NUBP1: variants seen among roughly 807,000 people sequenced by gnomAD.
NUBP1 encodes NUBP iron-sulfur cluster assembly factor 1, cytosolic.
Under a neutral mutation model 41.8 loss-of-function variants are expected in NUBP1, and 46 were observed. The observed-to-expected ratio is 1.10, with a 90% CI of 0.87 to 1.41. The LOEUF (loss-of-function observed/expected upper bound fraction) is 1.41. Among genes scored for constraint, NUBP1 ranks in the 40% most tolerant of loss-of-function variants. The pLI, the probability that NUBP1 is intolerant of heterozygous loss-of-function variation, is 0.00. For missense variants in NUBP1, 494 were observed against 414.0 expected, an observed-to-expected ratio of 1.19 and a Z score of -1.68; for synonymous variants, 189 against 154.6, an observed-to-expected ratio of 1.22 and a Z score of -1.65.
chr16:10,750,267 C>T (rs1041652071), intron 3 of NUBP1, among the ~76,000 whole-genome samples: 2 of 152,058 alleles, frequency 1.3e-5, no homozygotes, highest in Non-Finnish European at 2.9e-5. Context: ...TTTTTTGAGA[C>T]GGAGTCTCAT....
chr16:10,755,910 G>T (rs1032998633), intron 5 of NUBP1, among the ~76,000 whole-genome samples, 157 bp downstream of exon 5: 8 of 152,216 alleles, frequency 5.3e-5, no homozygotes, highest in Non-Finnish European at 7.3e-5. Flanking sequence ...TTTCTGTAAA[G>T]TGTGGGACGG....
chr16:10,749,122 C>CACACACACACAG lies in NUBP1; in HGVS notation c.258+1849_258+1850insCACACACAGACA, dbSNP rs1374642740. 4.4e-3 allele frequency among the ~76,000 whole-genome samples: 400 copies of CACACACACACAG among 91,716 alleles called. 6 individuals are homozygous for CACACACACACAG. The highest frequency in any genetic ancestry group is 0.013 in the African/African-American group (290 of 22,508). The allele number at this position is 91,716 out of a possible 152,430, so 60.2% of individuals were successfully genotyped here. On this transcript the variant is annotated intron_variant, in intron 3 of 10. Transcript: ENST00000283027. The surrounding 1 kb of genome is among the most constrained non-coding windows in gnomAD (Gnocchi z 4.1). ...AAAAGGATATAGATAGATACACAGA[C>CACACACACACAG]ACATACACACACACACACACACACA... is the stretch of plus-strand genomic sequence containing the variant.
At position 10,768,308 on chromosome 16, in the gene NUBP1, TAA is replaced by T. The variant is rs35848081; in HGVS notation, c.904+287_904+288del. The T allele has an allele frequency of 1.8e-3, 322 of 175,366 alleles. No homozygotes were observed. Among genetic ancestry groups the T allele is most frequent in the South Asian group, 6.9e-3 (54 of 7,848 alleles). 10.9% of individuals were successfully genotyped at this position (175,366 alleles called of 1,614,324 possible). The stretch of plus-strand genomic sequence containing the variant: ...GTAATTCATTTTTAAAAGTAACTGA[TAA>T]AAAAAAAAAAGGCCAGGTGCAGTGG... On this transcript the variant is annotated intron_variant, in intron 10 of 10. Coordinates refer to ENST00000283027, the MANE Select transcript of NUBP1 (RefSeq NM_002484.4). The surrounding 1 kb of genome is among the most constrained non-coding windows in gnomAD (Gnocchi z 4.3).
intron 9 of NUBP1, among the ~76,000 whole-genome samples, chr16:10,762,467 G>A (rs1015627608): frequency 2.0e-5 from 3 of 152,210 alleles, no homozygotes; most frequent in Admixed American, 6.5e-5. Context: ...CACGCCCGCC[G>A]GGCGCCCACT....
intron 9 of NUBP1, chr16:10,764,955 T>A (rs2030644914): frequency 5.6e-6 from 1 of 179,318 alleles, no homozygotes; most frequent in African/African-American, 2.4e-5. Flanking sequence ...CGAGGAAAGC[T>A]GGGCACAGCC....
rs183850722 is a variant in NUBP1, at chr16:10,759,343, G to T, written c.606+1316G>T. 7.2e-5 allele frequency among the ~76,000 whole-genome samples: 11 copies of T among 152,372 alleles called. No homozygotes were observed. The highest frequency in any genetic ancestry group is 2.1e-4 in the South Asian group (1 of 4,826). ...TTCATGTCCACCCTGGCATCCTGCA[G>T]AGAGGGGACATGGGGACGCAAGGAG... On this transcript the variant is annotated intron_variant, in intron 7 of 10. Coordinates refer to ENST00000283027, the MANE Select transcript of NUBP1 (RefSeq NM_002484.4). This position sits in a 1 kb window ranked among gnomAD's most constrained non-coding sequence, Gnocchi z 4.7.
chr16:10,760,992 G>A (rs530102167), intron 7 of NUBP1: 8 of 194,668 alleles, frequency 4.1e-5, no homozygotes, highest in Non-Finnish European at 5.3e-5. Context: ...CAATCATGGT[G>A]GAAGGCAAAG....
At position 10,765,574 on chromosome 16, in the gene NUBP1, C is replaced by A. The variant is rs2030756147; in HGVS notation, c.821-2375C>A. Reference sequence around the variant, plus strand: ...ATATGTCCACGGGCCCAGCCACAGGCCTGCCCTTGCCATTGTCTGACAGAT... The same window carrying A: ...ATATGTCCACGGGCCCAGCCACAGGACTGCCCTTGCCATTGTCTGACAGAT... On this transcript the variant is annotated intron_variant, in intron 9 of 10. Transcript: ENST00000283027. This position sits in a 1 kb window ranked among gnomAD's most constrained non-coding sequence, Gnocchi z 4.0. 6.6e-6 allele frequency among the ~76,000 whole-genome samples: 1 copy of A among 152,186 alleles called. No individual in the cohort carries two copies. The highest frequency in any genetic ancestry group is 6.5e-5 in the Admixed American group (1 of 15,268).
chr16:10,753,903 C>T (rs1204960690), intron 4 of NUBP1, among the ~76,000 whole-genome samples: 2 of 152,126 alleles, frequency 1.3e-5, no homozygotes, highest in East Asian at 1.9e-4. Flanking sequence ...TGGCCCGAAG[C>T]AGATGGGGCC....
rs537800235 is a variant in NUBP1 at position 10,767,747 on chromosome 16, G to T, written c.821-202G>T. ...TTTCTGTACACCACCTGATTATTTA[G>T]CCACGCTGAAATGCTGGCTGGGGAC... On this transcript the variant is annotated intron_variant, in intron 9 of 10. Transcript: ENST00000283027. This position sits in a 1 kb window ranked among gnomAD's most constrained non-coding sequence, Gnocchi z 4.6. 1.4e-5 allele frequency: 8 copies of T among 586,700 alleles called. No homozygotes were observed. In the African/African-American group the frequency reaches 1.5e-4, roughly 11 times the overall value. The allele number at this position is 586,700 out of a possible 1,614,324, so 36.3% of individuals were successfully genotyped here.
chr16:10,769,191 T>C lies in NUBP1; in HGVS notation c.*86T>C, dbSNP rs550291329. ...CAGCCAGACCCGACCAGCTCCGGGA[T>C]GGGGTGGGTCACAGCAAAAGGACCA... On this transcript the variant is annotated 3_prime_UTR_variant, in exon 11 of 11. Coordinates refer to ENST00000283027, the MANE Select transcript of NUBP1 (RefSeq NM_002484.4). The C allele has an allele frequency of 1.6e-6, 2 of 1,264,620 alleles. No individual in the cohort carries two copies. Among genetic ancestry groups the C allele is most frequent in the African/African-American group, 3.0e-5 (2 of 67,186 alleles). 78.3% of individuals were successfully genotyped at this position (1,264,620 alleles called of 1,614,324 possible). A position where few individuals can be genotyped will look rare whatever the true frequency, so the allele number is the denominator to read the frequency against.
At chr16:10,747,415 C>G in intron 3 of NUBP1, 139 bp downstream of exon 3, 1 of 1,115,880 alleles carries the variant, frequency 9.0e-7, no homozygotes, top group Non-Finnish European at 1.3e-6. Context: ...GGGCAGATCA[C>G]TTGAGGCCAG....
intron 8 of NUBP1, 130 bp from the exon 9 acceptor site, chr16:10,761,627 T>C: frequency 1.0e-6 from 1 of 972,162 alleles, no homozygotes; most frequent in Non-Finnish European, 1.5e-6. Context: ...TAAAGGAAAG[T>C]TCTTTAGGTG....
At chr16:10,745,042 G>A (rs528696277) in intron 2 of NUBP1, among the ~76,000 whole-genome samples, 6 of 151,918 alleles carry the variant, frequency 3.9e-5, no homozygotes, top group Non-Finnish European at 7.4e-5. Flanking sequence ...ACAGGCATGA[G>A]CCACTGCACC....
At chr16:10,756,518 T>A (rs1337448409) in intron 5 of NUBP1, among the ~76,000 whole-genome samples, 172 bp from the exon 6 acceptor site, 1 of 152,018 alleles carries the variant, frequency 6.6e-6, no homozygotes, top group Non-Finnish European at 1.5e-5. Flanking sequence ...ACCCTTTTTT[T>A]TTTTTCCAAA....
At chr16:10,746,008 A>T (rs1181643936) in intron 2 of NUBP1, among the ~76,000 whole-genome samples, 1 of 152,224 alleles carries the variant, frequency 6.6e-6, no homozygotes, top group Non-Finnish European at 1.5e-5. Context: ...GGGCCAGCAA[A>T]GGAGTTCCTT....
At chr16:10,761,986 C>G (rs1164952316) in intron 9 of NUBP1, 127 bp downstream of exon 9, 1 of 689,656 alleles carries the variant, frequency 1.5e-6, no homozygotes, top group Admixed American at 2.8e-5. Context: ...GCGCTGGAGC[C>G]AGACCCACCC....
chr16:10,744,783 A>T (rs572099275), intron 2 of NUBP1, among the ~76,000 whole-genome samples: 101 of 151,100 alleles, frequency 6.7e-4, no homozygotes, highest in Non-Finnish European at 9.7e-4. Flanking sequence ...TTTTAGACAG[A>T]GTCTTGCTGT....
intron 3 of NUBP1, among the ~76,000 whole-genome samples, chr16:10,750,799 CA>C (rs752999499): frequency 1.2e-4 from 19 of 152,192 alleles, no homozygotes; most frequent in Non-Finnish European, 2.5e-4. Context: ...CCCTCCTCAT[CA>C]GGGGCAGTTT....
Sources: gnomAD v4.1 joint callset for allele counts (sites outside exome capture counted in the v4.1 genomes callset) on GRCh38, gnomAD v4.1.1 for gene constraint, Gnocchi (gnomAD v3.1) non-coding constraint, MANE v1.5 for transcripts, NCBI Gene and HGNC (gene_info 2026-07-23, HGNC 2026-07-21) for gene names.